The following VPS54 variants were observed in gnomAD, a reference collection of about 807,000 sequenced individuals.
VPS54 encodes the protein vacuolar protein sorting-associated protein 54.
In VPS54, 45 loss-of-function variants were observed where a neutral mutation model predicts 121.5. That is an observed-to-expected ratio of 0.37 (90% CI 0.29 to 0.47). The LOEUF is 0.47. Among genes scored for constraint, VPS54 ranks in the 20% least tolerant of loss-of-function variants. The pLI is 0.99. For missense variants in VPS54, 1,090 were observed against 1,131.4 expected, an observed-to-expected ratio of 0.96 and a Z score of 0.52; for synonymous variants, 371 against 385.8, an observed-to-expected ratio of 0.96 and a Z score of 0.45.
Position 64,003,188 on chromosome 2 carries a change from AACAAAATAC to A in VPS54, c.-21+15741_-21+15749del, listed in dbSNP as rs202176661. Reference sequence around the variant, plus strand: ...ATCAGTTCGAAAAAACAAACAAGCAAACAAAATACACAAAATACAGGAAAACGGAAAGCT... The same window carrying A: ...ATCAGTTCGAAAAAACAAACAAGCAAACAAAATACAGGAAAACGGAAAGCT... On this transcript the variant is annotated intron_variant, in intron 1 of 22. Coordinates refer to ENST00000272322, the MANE Select transcript of VPS54 (RefSeq NM_016516.3). Among the ~76,000 whole-genome samples, 1,140 of 152,310 alleles carry A rather than the reference AACAAAATAC, an allele frequency of 7.5e-3. 10 individuals are homozygous for A. The highest frequency in any genetic ancestry group is 0.026 in the African/African-American group (1,075 of 41,576).
chr2:63,906,152 T>C (rs1321581368), intron 20 of VPS54, among the ~76,000 whole-genome samples: 3 of 152,170 alleles, frequency 2.0e-5, no homozygotes, highest in Admixed American at 1.3e-4. Context: ...CCAATTTTAT[T>C]CAACGTTGTG....
intron 12 of VPS54, among the ~76,000 whole-genome samples, chr2:63,924,307 G>A (rs993966092): frequency 2.6e-5 from 4 of 152,348 alleles, no homozygotes; most frequent in African/African-American, 4.8e-5. Context: ...ACATAGTCAT[G>A]TAATTATTCT....
chr2:64,004,753 C>T (rs139767071), intron 1 of VPS54, among the ~76,000 whole-genome samples: 1 of 152,266 alleles, frequency 6.6e-6, no homozygotes, highest in African/African-American at 2.4e-5. Flanking sequence ...ACTACAGCTA[C>T]AATAATAACT....
chr2:63,934,098 T>G (rs1674343957), intron 11 of VPS54, 85 bp from the exon 12 acceptor site: 5 of 1,213,486 alleles, frequency 4.1e-6, no homozygotes, highest in Non-Finnish European at 5.7e-6. Context: ...GCATGTAATT[T>G]TGGACATCTA....
intron 2 of VPS54, among the ~76,000 whole-genome samples, chr2:63,982,722 T>A (rs532000477): frequency 1.3e-5 from 2 of 152,350 alleles, no homozygotes; most frequent in East Asian, 3.9e-4. Context: ...ATTTTAGCAC[T>A]GCGCTTAGGG....
chr2:64,005,056 G>A (rs1678058267), intron 1 of VPS54, among the ~76,000 whole-genome samples: 1 of 143,454 alleles, frequency 7.0e-6, no homozygotes, highest in South Asian at 2.3e-4. Context: ...GGTATTACAG[G>A]CATGAGCTAC....
chr2:63,928,563 T>C (rs556212387), intron 12 of VPS54, among the ~76,000 whole-genome samples: 9 of 152,154 alleles, frequency 5.9e-5, no homozygotes, highest in African/African-American at 2.2e-4. Flanking sequence ...ACAGGCCAAA[T>C]TGTAAAGACC....
intron 7 of VPS54, among the ~76,000 whole-genome samples, chr2:63,950,130 A>C (rs536800245): frequency 3.9e-5 from 6 of 152,282 alleles, no homozygotes; most frequent in Admixed American, 3.3e-4. Flanking sequence ...TCACATCCAC[A>C]ATCTCTTTCA....
chr2:63,908,736 A>G (rs552143684), intron 20 of VPS54, among the ~76,000 whole-genome samples: 1 of 152,338 alleles, frequency 6.6e-6, no homozygotes, highest in South Asian at 2.1e-4. Context: ...AGAACTTGCT[A>G]TAGTCAGATA....
At chr2:63,991,208 C>T (rs899632356) in intron 1 of VPS54, among the ~76,000 whole-genome samples, 1 of 152,182 alleles carries the variant, frequency 6.6e-6, no homozygotes, top group African/African-American at 2.4e-5. Context: ...GTTTCTTTTA[C>T]TATGGTTAAA....
chr2:63,991,701 C>T (rs1677327858), intron 1 of VPS54, among the ~76,000 whole-genome samples: 2 of 152,204 alleles, frequency 1.3e-5, no homozygotes, highest in Admixed American at 1.3e-4. Flanking sequence ...AACCCCCTAC[C>T]ACAGAACCAG....
chr2:63,975,333 T>C (rs1676472910), intron 3 of VPS54: 2 of 254,158 alleles, frequency 7.9e-6, no homozygotes, highest in Admixed American at 5.0e-5. Flanking sequence ...AAAACAAAGA[T>C]GATAACAGTC....
intron 11 of VPS54, 68 bp downstream of exon 11, chr2:63,942,397 C>T: frequency 9.3e-7 from 1 of 1,070,936 alleles, no homozygotes; most frequent in Non-Finnish European, 1.3e-6. Context: ...TCTTTATTTA[C>T]ATATTATGTA....
At chr2:63,934,132 T>C (rs760523196) in intron 11 of VPS54, 119 bp from the exon 12 acceptor site, 4 of 831,998 alleles carry the variant, frequency 4.8e-6, no homozygotes, top group African/African-American at 1.7e-5. Flanking sequence ...GTCAAAGTCA[T>C]GTATATCAGA....
chr2:63,999,342 T>G (rs979996702), intron 1 of VPS54, among the ~76,000 whole-genome samples: 6 of 152,200 alleles, frequency 3.9e-5, no homozygotes, highest in African/African-American at 1.4e-4. Flanking sequence ...TCTTTCATGT[T>G]TGAAGGATAT....
rs760908695 is a variant in VPS54, at chr2:63,913,321, A to G, written c.2335-11T>C. ...TCTTGAATTGAAGTACTAACAAAAG[A>G]AGGAGAAAAAAACCCCAAAATTTAC... On this transcript the variant is annotated splice_polypyrimidine_tract_variant and intron_variant, in intron 17 of 22. Transcript: ENST00000272322. The G allele has an allele frequency of 3.7e-6, 6 of 1,600,334 alleles. No individual in the cohort carries two copies. In the East Asian group the frequency reaches 6.8e-5, roughly 18 times the overall value.
At chr2:63,985,678 TATACACACACAC>T (rs1677017065) in intron 1 of VPS54, among the ~76,000 whole-genome samples, 1 of 101,696 alleles carries the variant, frequency 9.8e-6, no homozygotes, top group Non-Finnish European at 1.9e-5. Flanking sequence ...AGTGACAAAT[TATACACACACAC>T]ACACACACAC....
At chr2:63,943,727 C>CTTTCTTTCTTTCTT (rs34858643) in intron 10 of VPS54, among the ~76,000 whole-genome samples, 8 of 129,608 alleles carry the variant, frequency 6.2e-5, no homozygotes, top group South Asian at 2.5e-4. Context: ...TTCTTTCTTT[C>CTTTCTTTCTTTCTT]TTTTTTTTTT....
At chr2:63,895,142 G>GA (rs976868028) in intron 22 of VPS54, among the ~76,000 whole-genome samples, 9 of 151,782 alleles carry the variant, frequency 5.9e-5, no homozygotes, top group African/African-American at 1.2e-4. Context: ...TATCTTAGAG[G>GA]AAAAAAAATC....
Sources: allele counts gnomAD v4.1 joint callset (sites outside exome capture counted in the v4.1 genomes callset), GRCh38; gene constraint gnomAD v4.1.1; transcripts MANE v1.5; gene names NCBI Gene and HGNC (gene_info 2026-07-23, HGNC 2026-07-21).